CADM1: variants seen among roughly 807,000 people sequenced by gnomAD.
CADM1 encodes cell adhesion molecule 1, also known as TSLC-1.
A neutral mutation model predicts 53.1 loss-of-function variants in CADM1; 15 were observed. The observed-to-expected ratio is 0.28, with a 90% confidence interval of 0.19 to 0.44. CADM1 has a LOEUF of 0.44. CADM1 is among the 20% of genes least tolerant of loss of function. CADM1 has a pLI of 1.00. For missense variants in CADM1, 434 were observed against 611.3 expected, an observed-to-expected ratio of 0.71 and a Z score of 3.06; for synonymous variants, 281 against 243.0, an observed-to-expected ratio of 1.16 and a Z score of -1.45.
chr11:115,191,306 T>G (rs924184822), intron 9 of CADM1, among the ~76,000 whole-genome samples: 1 of 152,230 alleles, frequency 6.6e-6, no homozygotes, highest in Non-Finnish European at 1.5e-5. Flanking sequence ...TACATACTGA[T>G]GTATGTACAT....
At chr11:115,408,965 T>A (rs1299783383) in intron 1 of CADM1, among the ~76,000 whole-genome samples, 1 of 152,156 alleles carries the variant, frequency 6.6e-6, no homozygotes, top group Non-Finnish European at 1.5e-5. Context: ...GCATACAGAT[T>A]GGCAAATACC....
chr11:115,279,725 G>T (rs373202130), intron 1 of CADM1, among the ~76,000 whole-genome samples: 1 of 152,174 alleles, frequency 6.6e-6, no homozygotes, highest in East Asian at 1.9e-4. Flanking sequence ...TTTTTGTCAA[G>T]GATGGGGTGG....
At chr11:115,259,544 G>A (rs898598941) in intron 1 of CADM1, among the ~76,000 whole-genome samples, 1 of 151,914 alleles carries the variant, frequency 6.6e-6, no homozygotes, top group African/African-American at 2.4e-5. Flanking sequence ...GAGCTCAGGT[G>A]ATCCACCCGC....
intron 8 of CADM1, among the ~76,000 whole-genome samples, chr11:115,209,189 T>G (rs1030825215): frequency 6.6e-6 from 1 of 152,218 alleles, no homozygotes; most frequent in South Asian, 2.1e-4. Context: ...TTCCCTTACA[T>G]GGACTGAGAT....
intron 1 of CADM1, among the ~76,000 whole-genome samples, chr11:115,430,215 C>T (rs1591227096): frequency 6.6e-6 from 1 of 152,336 alleles, no homozygotes; most frequent in East Asian, 1.9e-4. Context: ...ATAGCTTCCA[C>T]ATCTTGTCTC....
chr11:115,426,321 G>A (rs1407831361), intron 1 of CADM1, among the ~76,000 whole-genome samples: 1 of 152,016 alleles, frequency 6.6e-6, no homozygotes, highest in Non-Finnish European at 1.5e-5. Context: ...CAAGACACAG[G>A]ACCAGACTCT....
intron 1 of CADM1, among the ~76,000 whole-genome samples, chr11:115,498,964 T>C (rs1388991966): frequency 6.6e-6 from 1 of 152,130 alleles, no homozygotes; most frequent in Non-Finnish European, 1.5e-5. Context: ...ACTGGGTGAT[T>C]TGCATGCATG....
At chr11:115,313,942 A>T (rs573599594) in intron 1 of CADM1, among the ~76,000 whole-genome samples, 13 of 152,308 alleles carry the variant, frequency 8.5e-5, no homozygotes, top group Admixed American at 8.5e-4. Context: ...AGTGAAGGTA[A>T]GAAAATTTCC....
intron 8 of CADM1, among the ~76,000 whole-genome samples, chr11:115,207,980 T>C (rs755313178): frequency 6.6e-6 from 1 of 152,204 alleles, no homozygotes; most frequent in Non-Finnish European, 1.5e-5. Flanking sequence ...GAAAAGCTGA[T>C]AGCACAGTTA....
intron 7 of CADM1, among the ~76,000 whole-genome samples, chr11:115,212,257 T>C (rs1320752899): frequency 6.6e-6 from 1 of 152,196 alleles, no homozygotes; most frequent in Non-Finnish European, 1.5e-5. Flanking sequence ...TTAAACTTTA[T>C]GGGGGCTTGC....
chr11:115,290,414 C>A (rs1226325173), intron 1 of CADM1, among the ~76,000 whole-genome samples: 2 of 152,156 alleles, frequency 1.3e-5, no homozygotes, highest in African/African-American at 4.8e-5. Context: ...CTCTGCTTTC[C>A]CTAAACATTT....
chr11:115,368,110 C>CTTTTTTTTTTTTTTTT (rs58589028), intron 1 of CADM1, among the ~76,000 whole-genome samples: 1 of 61,866 alleles, frequency 1.6e-5, no homozygotes, highest in African/African-American at 6.8e-5. Flanking sequence ...TCACTAGAGT[C>CTTTTTTTTTTTTTTTT]TTTTTTTTTT....
At position 115,280,298 on chromosome 11, in the gene CADM1, C is replaced by A. The variant is rs186361871; in HGVS notation, c.125-39878G>T. On this transcript the variant is annotated intron_variant, in intron 1 of 11. Transcript: ENST00000331581. ...GTCACAGCCGGTCATCTCATTCTCC[C>A]AGAACTTGGTTTAGGTAGTAGATGT... Among the ~76,000 whole-genome samples the A allele has an allele frequency of 1.8e-3, 278 of 152,270 alleles. 1 individual carries two copies. The highest frequency in any genetic ancestry group is 6.4e-3 in the African/African-American group (267 of 41,540).
At chr11:115,340,399 A>G (rs2135242588) in intron 1 of CADM1, 1 of 151,026 alleles carries the variant, frequency 6.6e-6, no homozygotes, top group African/African-American at 2.4e-5. Flanking sequence ...CTCTTTTAGG[A>G]TGTGTCTTTC....
chr11:115,295,527 TATATA>T (rs1944040257), intron 1 of CADM1, among the ~76,000 whole-genome samples: 1 of 83,290 alleles, frequency 1.2e-5, no homozygotes, highest in African/African-American at 8.4e-5. Flanking sequence ...TATATATATA[TATATA>T]TATATATATA....
At chr11:115,322,793 G>T (rs946947532) in intron 1 of CADM1, among the ~76,000 whole-genome samples, 4 of 151,990 alleles carry the variant, frequency 2.6e-5, no homozygotes, top group Admixed American at 1.3e-4. Context: ...ACCACATATT[G>T]TTTGTTCATC....
intron 1 of CADM1, among the ~76,000 whole-genome samples, chr11:115,398,687 C>G (rs1342757865): frequency 6.6e-6 from 1 of 152,176 alleles, no homozygotes; most frequent in Non-Finnish European, 1.5e-5. Flanking sequence ...TTTTCCCAAC[C>G]TAATATTCTA....
chr11:115,227,294 A>G (rs1173187376), intron 5 of CADM1, among the ~76,000 whole-genome samples: 5 of 152,184 alleles, frequency 3.3e-5, no homozygotes, highest in African/African-American at 9.7e-5. Flanking sequence ...TATGGAAACC[A>G]AGGCTTATAA....
intron 1 of CADM1, among the ~76,000 whole-genome samples, chr11:115,300,946 C>T (rs889678124): frequency 3.0e-4 from 45 of 152,212 alleles, no homozygotes; most frequent in African/African-American, 1.0e-3. Context: ...CTATGAAGCA[C>T]TAGCCTTTCC....
Sources: gnomAD v4.1 joint callset for allele counts (sites outside exome capture counted in the v4.1 genomes callset) on GRCh38, gnomAD v4.1.1 for gene constraint, MANE v1.5 for transcripts, NCBI Gene and HGNC (gene_info 2026-07-23, HGNC 2026-07-21) for gene names.